The following EZR variants were observed in gnomAD, a reference collection of about 807,000 sequenced individuals.
EZR encodes ezrin.
In EZR, 40 loss-of-function variants were observed where a neutral mutation model predicts 74.8. That is an observed-to-expected ratio of 0.53 (90% CI 0.42 to 0.70). The LOEUF (loss-of-function observed/expected upper bound fraction) is 0.70. EZR is among the 30% of genes least tolerant of loss of function. EZR has a pLI of 0.00. For synonymous variants in EZR, 341 were observed against 283.3 expected, an observed-to-expected ratio of 1.20 and a Z score of -2.05; for missense variants, 678 against 755.8, an observed-to-expected ratio of 0.90 and a Z score of 1.21.
At chr6:158,808,581 G>A (rs541995007) in intron 2 of EZR, among the ~76,000 whole-genome samples, 7 of 152,304 alleles carry the variant, frequency 4.6e-5, no homozygotes, top group Non-Finnish European at 8.8e-5. Context: ...AAGTGGAACC[G>A]CACAGCCCTT....
intron 2 of EZR, 31 bp downstream of exon 2, chr6:158,818,051 G>A (rs1378385364): frequency 2.5e-6 from 4 of 1,606,452 alleles, no homozygotes; most frequent in South Asian, 2.2e-5. Flanking sequence ...AGCCTCTCCC[G>A]TCCGCCCGGC....
intron 7 of EZR, among the ~76,000 whole-genome samples, chr6:158,783,018 C>T (rs1428649682): frequency 6.6e-6 from 1 of 152,148 alleles, no homozygotes; most frequent in Non-Finnish European, 1.5e-5. Flanking sequence ...GTAACTAATG[C>T]GAGGCAATTA....
intron 8 of EZR, among the ~76,000 whole-genome samples, chr6:158,774,441 G>A (rs1017016375): frequency 6.6e-6 from 1 of 151,898 alleles, no homozygotes; most frequent in Non-Finnish European, 1.5e-5. Flanking sequence ...TTTCCTTCAC[G>A]TAAATGTAGG....
intron 7 of EZR, among the ~76,000 whole-genome samples, chr6:158,777,656 C>G (rs532156126): frequency 1.3e-5 from 2 of 152,262 alleles, no homozygotes; most frequent in East Asian, 1.9e-4. Context: ...TATGGCCTAC[C>G]AACAGCTTCA....
rs2128564871 is a variant in EZR, at chr6:158,769,885, C to T, written c.1150G>A (p.Glu384Lys). Residue 384 changes from glutamate (E) to lysine (K), a missense_variant, in exon 11 of 14, where the codon GAG (glutamate) becomes AAG (lysine). Glu to Lys is a moderately conservative substitution (Grantham distance 56, BLOSUM62 1). Coordinates refer to ENST00000367075, the MANE Select transcript of EZR (RefSeq NM_001111077.2). ...TCAGCCTCTAGGCGCTCGGCCTCCT[C>T]CTGTGCCCGCTTCCTCTCCTCCTCC... ...QLEEERKRAQEEAERLEADRM... is the reference protein window; with the variant it reads ...QLEEERKRAQKEAERLEADRM... 6.2e-7 allele frequency: 1 copy of T among 1,613,634 alleles called. No homozygotes were observed. The highest frequency in any genetic ancestry group is 8.5e-7 in the Non-Finnish European group (1 of 1,180,038).
intron 2 of EZR, among the ~76,000 whole-genome samples, chr6:158,805,893 A>G (rs2128575569): frequency 6.6e-6 from 1 of 152,296 alleles, no homozygotes; most frequent in East Asian, 1.9e-4. Flanking sequence ...CCCAGTATGT[A>G]GATTGATCTC....
chr6:158,799,001 C>CT (rs1001956165), intron 2 of EZR, among the ~76,000 whole-genome samples: 10 of 152,164 alleles, frequency 6.6e-5, no homozygotes, highest in South Asian at 2.1e-4. Flanking sequence ...TGAACATTCC[C>CT]TTTCTATTTT....
chr6:158,793,177 G>A (rs1791787964), intron 2 of EZR, among the ~76,000 whole-genome samples: 1 of 148,982 alleles, frequency 6.7e-6, no homozygotes, highest in Non-Finnish European at 1.5e-5. Flanking sequence ...CATTCAGGCT[G>A]GAGTGCAGTG....
intron 2 of EZR, among the ~76,000 whole-genome samples, chr6:158,809,343 T>C (rs1009194762): frequency 6.6e-6 from 1 of 152,186 alleles, no homozygotes; most frequent in Non-Finnish European, 1.5e-5. Flanking sequence ...TTTTAAACTA[T>C]CAATGAGGAA....
intron 7 of EZR, among the ~76,000 whole-genome samples, chr6:158,781,948 C>T (rs925327253): frequency 5.9e-5 from 9 of 152,060 alleles, no homozygotes; most frequent in African/African-American, 9.7e-5. Flanking sequence ...TTGGTAGAGA[C>T]GGGGTTTCGC....
chr6:158,811,027 G>T (rs1363964003), intron 2 of EZR, among the ~76,000 whole-genome samples: 1 of 152,146 alleles, frequency 6.6e-6, no homozygotes, highest in Non-Finnish European at 1.5e-5. Context: ...AAAAAATTAT[G>T]TGTATTAACT....
intron 7 of EZR, among the ~76,000 whole-genome samples, chr6:158,783,277 G>A (rs1216638108): frequency 6.6e-6 from 1 of 150,594 alleles, no homozygotes; most frequent in East Asian, 1.9e-4. Context: ...GCTCTATTCT[G>A]CCTTCCTCTA....
chr6:158,811,983 G>A (rs1777459843), intron 2 of EZR, among the ~76,000 whole-genome samples: 1 of 152,090 alleles, frequency 6.6e-6, no homozygotes, highest in Non-Finnish European at 1.5e-5. Context: ...TATAGGGAAG[G>A]TCTAGCCTCT....
At chr6:158,810,363 T>C (rs1777427772) in intron 2 of EZR, among the ~76,000 whole-genome samples, 1 of 152,162 alleles carries the variant, frequency 6.6e-6, no homozygotes, top group African/African-American at 2.4e-5. Flanking sequence ...CAAAGGATCT[T>C]ACCAGCCGGG....
At chr6:158,779,654 C>A (rs980068496) in intron 7 of EZR, among the ~76,000 whole-genome samples, 8 of 152,152 alleles carry the variant, frequency 5.3e-5, no homozygotes, top group African/African-American at 1.9e-4. Flanking sequence ...GCCTCCGCCT[C>A]CCGGGCTCAA....
chr6:158,805,231 C>G (rs117845856), intron 2 of EZR, among the ~76,000 whole-genome samples: 17 of 149,576 alleles, frequency 1.1e-4, no homozygotes, highest in Admixed American at 1.1e-3. Flanking sequence ...CCCAGCTACT[C>G]GTGGGGCTGA....
chr6:158,787,253 G>A (rs1791608851), intron 3 of EZR, 50 bp from the exon 4 acceptor site: 4 of 1,503,900 alleles, frequency 2.7e-6, no homozygotes, highest in African/African-American at 2.8e-5. Flanking sequence ...TCACTCAAAA[G>A]GGCAACAGCT....
chr6:158,818,445 G>A (rs1168952208), intron 1 of EZR, among the ~76,000 whole-genome samples: 1 of 151,494 alleles, frequency 6.6e-6, no homozygotes, highest in East Asian at 2.0e-4. Context: ...GTGGGTCCGA[G>A]GAGAGGGGGT....
chr6:158,818,693 C>A (rs1777621816), intron 1 of EZR, among the ~76,000 whole-genome samples: 1 of 151,576 alleles, frequency 6.6e-6, no homozygotes, highest in South Asian at 2.1e-4. Context: ...CCAGGGATAC[C>A]CGGCGGGGAA....
Sources: allele counts gnomAD v4.1 joint callset (sites outside exome capture counted in the v4.1 genomes callset), GRCh38; gene constraint gnomAD v4.1.1; transcripts MANE v1.5; gene names NCBI Gene and HGNC (gene_info 2026-07-23, HGNC 2026-07-21).